FBXW10: variants seen among roughly 807,000 people sequenced by gnomAD.
The protein encoded by FBXW10 is F-box and WD repeat domain containing 10.
Under a neutral mutation model 113.1 loss-of-function variants are expected in FBXW10, and 68 were observed. That is an observed-to-expected ratio of 0.60 (90% confidence interval 0.49 to 0.74). The LOEUF (loss-of-function observed/expected upper bound fraction) is 0.74. FBXW10 is among the 30% of genes least tolerant of loss of function. The pLI is 0.00. For synonymous variants in FBXW10, 289 were observed against 481.6 expected (o/e 0.60, Z 5.24); for missense variants, 753 against 1,284.5 (o/e 0.59, Z 6.32).
intron 2 of FBXW10, among the ~76,000 whole-genome samples, chr17:18,749,335 G>A (rs1184079971): frequency 6.6e-6 from 1 of 151,376 alleles, no homozygotes; most frequent in African/African-American, 2.4e-5. Flanking sequence ...TCAGGAGATC[G>A]AGACCATCCT....
intron 2 of FBXW10, among the ~76,000 whole-genome samples, chr17:18,748,400 G>A (rs2035087799): frequency 9.9e-6 from 1 of 100,860 alleles, no homozygotes; most frequent in Non-Finnish European, 2.0e-5. Flanking sequence ...AACAGAGCGA[G>A]ACTGTCTCAA....
In FBXW10 at chr17:18,745,190, T is replaced by C; in HGVS notation, c.505+441T>C. 4 of 1,000,664 alleles carry C rather than the reference T, an allele frequency of 4.0e-6. No homozygotes were observed. In the South Asian group the frequency reaches 1.2e-4, roughly 31 times the overall value. 62.0% of individuals were successfully genotyped at this position (1,000,664 alleles called of 1,614,324 possible). On this transcript the variant is annotated intron_variant, in intron 1 of 13. Transcript: ENST00000395665. ...ACCAAGAAGTCAAAACTTAGGGCTTTTTTTTTTTTTTTCATTCACTCTACC... is the reference window on the plus strand; with the variant it reads ...ACCAAGAAGTCAAAACTTAGGGCTTCTTTTTTTTTTTTCATTCACTCTACC...
intron 12 of FBXW10, among the ~76,000 whole-genome samples, chr17:18,773,500 G>C (rs1164370271): frequency 1.3e-5 from 2 of 152,200 alleles, no homozygotes; most frequent in Non-Finnish European, 2.9e-5. Context: ...GTGTGTTTGT[G>C]TGTGTGTATG....
chr17:18,751,441 C>T (rs528254231), intron 5 of FBXW10, among the ~76,000 whole-genome samples: 4 of 151,938 alleles, frequency 2.6e-5, no homozygotes, highest in Non-Finnish European at 4.4e-5. Context: ...CGTGTTAGCC[C>T]AGATGGTCTT....
In FBXW10 at chr17:18,744,087, C is replaced by T. The variant is rs1364177820; in HGVS notation, c.-158C>T. 8.9e-7 allele frequency: 1 copy of T among 1,119,354 alleles called. No individual in the cohort carries two copies. The highest frequency in any genetic ancestry group is 2.7e-5 in the Admixed American group (1 of 36,882). The allele number at this position is 1,119,354 out of a possible 1,614,324, so 69.3% of individuals were successfully genotyped here. A position where few individuals can be genotyped will look rare whatever the true frequency, so the allele number is the denominator to read the frequency against. On this transcript the variant is annotated 5_prime_UTR_variant, in exon 1 of 14. Transcript: ENST00000395665. The stretch of plus-strand genomic sequence containing the variant: ...GCTGGCAGTTACTGAGAGAGATAGG[C>T]TTTCCATCCATGGCAGCCATTTACT...
At chr17:18,766,073 A>C (rs1597599930) in intron 8 of FBXW10, among the ~76,000 whole-genome samples, 1 of 149,474 alleles carries the variant, frequency 6.7e-6, no homozygotes, top group African/African-American at 2.5e-5. Flanking sequence ...CCACCCACCC[A>C]CTCTCATCCC....
chr17:18,776,277 C>T (rs60883080), intron 13 of FBXW10, among the ~76,000 whole-genome samples: 13,780 of 151,592 alleles, frequency 0.091, 1,366 homozygotes, highest in East Asian at 0.49. Context: ...GAGCTGAGAT[C>T]GTGCCACTGC....
At chr17:18,761,083 A>G (rs997086598) in intron 7 of FBXW10, among the ~76,000 whole-genome samples, 2 of 152,054 alleles carry the variant, frequency 1.3e-5, no homozygotes, top group Non-Finnish European at 2.9e-5. Flanking sequence ...TTGAGGTGCT[A>G]TCTTTATCAC....
chr17:18,744,607 C>A lies in FBXW10; in HGVS notation c.363C>A (p.Ile121=). The A allele has an allele frequency of 1.2e-6, 2 of 1,613,986 alleles. No individual in the cohort carries two copies. The highest frequency in any genetic ancestry group is 8.5e-7 in the Non-Finnish European group (1 of 1,179,880). The part of the protein sequence containing the change: ...DKTVEQKMKE[I]LYWFANSTQW... ...CAGTAGAACAGAAGATGAAAGAGAT[C>A]TTGTACTGGTTTGCGAACAGCACCC... The change falls in exon 1 of 14, where the codon ATC becomes ATA. Residue 121 remains isoleucine, a synonymous_variant. Transcript: ENST00000395665.
At chr17:18,771,115 A>G (rs1338130667) in intron 11 of FBXW10, among the ~76,000 whole-genome samples, 6 of 150,622 alleles carry the variant, frequency 4.0e-5, no homozygotes, top group Admixed American at 2.7e-4. Context: ...TAAAAAAAAA[A>G]AACAAAACAA....
At chr17:18,777,662 G>A (rs1269195806) in intron 13 of FBXW10, among the ~76,000 whole-genome samples, 1 of 151,386 alleles carries the variant, frequency 6.6e-6, no homozygotes, top group Non-Finnish European at 1.5e-5. Context: ...TCCTGCCTCA[G>A]CCTCCCGAGT....
In FBXW10 at chr17:18,778,727, T is replaced by C. The variant is rs763413140; in HGVS notation, c.2588T>C (p.Ile863Thr). 1 of 1,613,492 alleles carries C rather than the reference T, an allele frequency of 6.2e-7. No homozygotes were observed. Among genetic ancestry groups the C allele is most frequent in the East Asian group, 2.2e-5 (1 of 44,828 alleles). ...RKVLNFKGKSIQRAVDRLRLS... is the reference protein window; with the variant it reads ...RKVLNFKGKSTQRAVDRLRLS... ...GTCTTGAATTTCAAAGGAAAATCAA[T>C]CCAACGTGCAGTTGATCGGTTGAGA... Residue 863 changes from isoleucine to threonine, a missense_variant, in exon 14 of 14, where the codon ATC becomes ACC. Physicochemically the swap from Ile to Thr is moderately conservative, Grantham distance 89. Transcript: ENST00000395665.
intron 7 of FBXW10, 23 bp from the exon 8 acceptor site, chr17:18,764,719 T>C (rs1380132757): frequency 1.2e-6 from 2 of 1,613,780 alleles, no homozygotes; most frequent in Admixed American, 3.3e-5. Flanking sequence ...AACTCTCACA[T>C]TCTTTTGGCC....
At chr17:18,762,716 T>C (rs1165521695) in intron 7 of FBXW10, among the ~76,000 whole-genome samples, 1 of 152,200 alleles carries the variant, frequency 6.6e-6, no homozygotes, top group African/African-American at 2.4e-5. Flanking sequence ...TGGCAGGCAG[T>C]AGCAGTGAGA....
At chr17:18,747,878 C>T in intron 1 of FBXW10, 63 bp from the exon 2 acceptor site, 4 of 1,610,978 alleles carry the variant, frequency 2.5e-6, no homozygotes, top group Non-Finnish European at 3.4e-6. Flanking sequence ...AGTTTCTCTC[C>T]ACCTCATTTT....
At position 18,772,551 on chromosome 17, in the gene FBXW10, C is replaced by A; in HGVS notation, c.2146C>A (p.Leu716Ile). Residue 716 changes from leucine (L) to isoleucine (I), a missense_variant, in exon 12 of 14, where the codon CTC becomes ATC. By Grantham distance (5) the Leu-to-Ile change is conservative. Transcript: ENST00000395665. ...EKEENSLMEI[L>I]SKCNIQVHSP... ...AGAAGAAAATAGTCTCATGGAAATT[C>A]TCTCTAAGTGTAATATTCAGGTTCA... is the stretch of plus-strand genomic sequence containing the variant. The A allele has an allele frequency of 6.2e-7, 1 of 1,613,944 alleles. No homozygotes were observed. Among genetic ancestry groups the A allele is most frequent in the Non-Finnish European group, 8.5e-7 (1 of 1,179,862 alleles).
rs762050160 is a variant in FBXW10 at position 18,770,001 on chromosome 17, A to G, written c.1922A>G (p.Asn641Ser). The G allele has an allele frequency of 1.2e-5, 19 of 1,613,978 alleles. No individual in the cohort carries two copies. In the Admixed American group the frequency reaches 1.5e-4, roughly 13 times the overall value. Reference sequence around the variant, plus strand: ...GCAGATGGCAAGATCCGAATTTACAATTTCCTCAACGGGAACTGTATGAAG... The same window carrying G: ...GCAGATGGCAAGATCCGAATTTACAGTTTCCTCAACGGGAACTGTATGAAG... ...ACADGKIRIY[N>S]FLNGNCMKVL... Residue 641 changes from asparagine (N) to serine (S), a missense_variant, in exon 11 of 14, where the codon AAT becomes AGT. Coordinates refer to ENST00000395665, the MANE Select transcript of FBXW10 (RefSeq NM_001267585.2).
In FBXW10 at chr17:18,769,873, A is replaced by C. The variant is rs1386283852; in HGVS notation, c.1848-54A>C. 2.7e-5 allele frequency: 43 copies of C among 1,590,360 alleles called. 1 individual carries two copies. The highest frequency in any genetic ancestry group is 3.7e-5 in the Non-Finnish European group (43 of 1,166,450). On this transcript the variant is annotated intron_variant, in intron 10 of 13. Transcript: ENST00000395665. ...CAAAATGCTCCCAACCTACAAACAA[A>C]CCCAGGCATTTTACGAGAGGATGGG...
At chr17:18,755,286 G>C (rs2035238634) in intron 5 of FBXW10, among the ~76,000 whole-genome samples, 1 of 152,014 alleles carries the variant, frequency 6.6e-6, no homozygotes, top group Non-Finnish European at 1.5e-5. Flanking sequence ...GCCGGGCCTG[G>C]TGGCTCACGC....
Sources: gnomAD v4.1 joint callset for allele counts (sites outside exome capture counted in the v4.1 genomes callset) on GRCh38, gnomAD v4.1.1 for gene constraint, MANE v1.5 for transcripts, NCBI Gene and HGNC (gene_info 2026-07-23, HGNC 2026-07-21) for gene names.